The following EFL1 variants were observed in gnomAD, a reference collection of about 807,000 sequenced individuals.
EFL1 encodes elongation factor like GTPase 1.
In EFL1, 76 loss-of-function variants were observed where a neutral mutation model predicts 126.7. That is an observed-to-expected ratio of 0.60 (90% CI 0.50 to 0.73). The LOEUF (loss-of-function observed/expected upper bound fraction) is 0.73. EFL1 is among the 30% of genes least tolerant of loss of function. The probability of loss-of-function intolerance (pLI) is 0.00; values close to 1 mark genes in which losing one functional copy is unlikely to be tolerated. For synonymous variants in EFL1, 410 were observed against 448.4 expected, an observed-to-expected ratio of 0.91 and a Z score of 1.08; for missense variants, 1,128 against 1,343.2, an observed-to-expected ratio of 0.84 and a Z score of 2.50.
intron 15 of EFL1, among the ~76,000 whole-genome samples, chr15:82,186,303 G>T (rs1280809040): frequency 6.6e-6 from 1 of 152,098 alleles, no homozygotes; most frequent in Non-Finnish European, 1.5e-5. Context: ...TATGCAAGGG[G>T]TAAGGTCAAA....
chr15:82,180,125 G>A (rs1251763202), intron 15 of EFL1, among the ~76,000 whole-genome samples: 1 of 151,948 alleles, frequency 6.6e-6, no homozygotes, highest in Non-Finnish European at 1.5e-5. Flanking sequence ...AAGACCTCAG[G>A]TGTTGCTTCA....
chr15:82,181,642 GTGTA>G (rs1295315465), intron 15 of EFL1, among the ~76,000 whole-genome samples: 1 of 151,490 alleles, frequency 6.6e-6, no homozygotes, highest in East Asian at 1.9e-4. Flanking sequence ...GTGTGTGTGT[GTGTA>G]TATATATATA....
chr15:82,171,382 G>A (rs1252611898), intron 15 of EFL1, among the ~76,000 whole-genome samples: 1 of 152,104 alleles, frequency 6.6e-6, no homozygotes, highest in African/African-American at 2.4e-5. Flanking sequence ...AGATCAATGG[G>A]AAAAAATGAA....
At chr15:82,180,546 A>G (rs1258756345) in intron 15 of EFL1, among the ~76,000 whole-genome samples, 1 of 152,162 alleles carries the variant, frequency 6.6e-6, no homozygotes, top group African/African-American at 2.4e-5. Context: ...ATGAGAAATC[A>G]TATGGTCAAT....
intron 2 of EFL1, among the ~76,000 whole-genome samples, chr15:82,259,912 T>C (rs929168964): frequency 2.0e-5 from 3 of 152,222 alleles, no homozygotes; most frequent in African/African-American, 7.2e-5. Flanking sequence ...AACACTGCTA[T>C]CTGTCTGCAA....
At chr15:82,130,766 G>A (rs1056480794) in intron 19 of EFL1, among the ~76,000 whole-genome samples, 7 of 152,198 alleles carry the variant, frequency 4.6e-5, no homozygotes, top group African/African-American at 1.4e-4. Flanking sequence ...TGGGAGCCAA[G>A]GCAGGTGGAT....
chr15:82,133,535 G>T (rs2073682931), intron 19 of EFL1, among the ~76,000 whole-genome samples: 1 of 152,166 alleles, frequency 6.6e-6, no homozygotes, highest in Admixed American at 6.5e-5. Context: ...CAAGTGCTAT[G>T]GGTGTATCAA....
At chr15:82,214,266 T>A (rs28715426) in intron 15 of EFL1, among the ~76,000 whole-genome samples, 3 of 152,118 alleles carry the variant, frequency 2.0e-5, no homozygotes, top group Non-Finnish European at 2.9e-5. Context: ...TTTACAGATA[T>A]AAACGACGAT....
At chr15:82,185,859 T>C (rs1052453970) in intron 15 of EFL1, among the ~76,000 whole-genome samples, 1 of 152,176 alleles carries the variant, frequency 6.6e-6, no homozygotes, top group Non-Finnish European at 1.5e-5. Context: ...TAATTAGCCT[T>C]GAAAAGTATA....
At chr15:82,230,644 T>C (rs1367818853) in intron 8 of EFL1, among the ~76,000 whole-genome samples, 3 of 152,160 alleles carry the variant, frequency 2.0e-5, no homozygotes, top group Admixed American at 6.6e-5. Flanking sequence ...CTTTGCTCAC[T>C]ATACTTAAAA....
chr15:82,260,558 T>C (rs1403403000), intron 2 of EFL1, among the ~76,000 whole-genome samples: 2 of 152,264 alleles, frequency 1.3e-5, no homozygotes, highest in African/African-American at 4.8e-5. Flanking sequence ...TACTGCCTAA[T>C]AGTAGACATT....
chr15:82,179,400 C>T (rs2074226172), intron 15 of EFL1, among the ~76,000 whole-genome samples: 2 of 151,958 alleles, frequency 1.3e-5, no homozygotes, highest in South Asian at 4.2e-4. Context: ...AGCACTGTCT[C>T]TGATTGATTT....
chr15:82,176,706 C>A (rs532364886), intron 15 of EFL1, among the ~76,000 whole-genome samples: 2 of 152,202 alleles, frequency 1.3e-5, no homozygotes, highest in African/African-American at 4.8e-5. Flanking sequence ...TTTCAGATAC[C>A]CCTGGTGGAA....
chr15:82,187,092 G>GA (rs1226114495), intron 15 of EFL1, among the ~76,000 whole-genome samples: 2 of 152,054 alleles, frequency 1.3e-5, no homozygotes, highest in Non-Finnish European at 2.9e-5. Flanking sequence ...AAGAGTAATT[G>GA]AAAAAATGTT....
chr15:82,251,928 G>A (rs1209443796), intron 4 of EFL1, among the ~76,000 whole-genome samples: 1 of 152,168 alleles, frequency 6.6e-6, no homozygotes, highest in African/African-American at 2.4e-5. Flanking sequence ...TCTAGCCCCT[G>A]CAGAGAGCTA....
At chr15:82,175,773 A>G (rs1353687854) in intron 15 of EFL1, among the ~76,000 whole-genome samples, 3 of 152,128 alleles carry the variant, frequency 2.0e-5, no homozygotes, top group African/African-American at 7.2e-5. Flanking sequence ...GAATTGCTTG[A>G]ACCCAGGAGG....
chr15:82,153,940 T>C (rs1408508366), intron 17 of EFL1, among the ~76,000 whole-genome samples: 1 of 152,184 alleles, frequency 6.6e-6, no homozygotes, highest in Non-Finnish European at 1.5e-5. Context: ...AATATGCTCA[T>C]ATACTTAGAA....
intron 12 of EFL1, among the ~76,000 whole-genome samples, chr15:82,223,335 A>G (rs141115620): frequency 6.9e-4 from 105 of 152,318 alleles, no homozygotes; most frequent in Non-Finnish European, 1.4e-3. Context: ...GTATACCTGA[A>G]AACACTATAT....
chr15:82,134,587 AC>A (rs2073699983), intron 19 of EFL1, among the ~76,000 whole-genome samples: 1 of 152,240 alleles, frequency 6.6e-6, no homozygotes, highest in South Asian at 2.1e-4. Flanking sequence ...CACGATGATT[AC>A]TGCTGGCAGG....
Sources: allele counts gnomAD v4.1 joint callset (sites outside exome capture counted in the v4.1 genomes callset), GRCh38; gene constraint gnomAD v4.1.1; transcripts MANE v1.5; gene names NCBI Gene and HGNC (gene_info 2026-07-23, HGNC 2026-07-21).